Variants in RTTN observed in about 807,000 individuals in gnomAD.
RTTN encodes the protein rotatin.
A neutral mutation model predicts 269.2 loss-of-function variants in RTTN; 182 were observed. The ratio of observed to expected loss-of-function variants is 0.68; its 90% CI spans 0.60 to 0.76. The LOEUF (loss-of-function observed/expected upper bound fraction) is 0.76, where lower values mean the gene tolerates loss of function less well. Ranked by LOEUF, RTTN falls within the 30% of genes least tolerant of loss-of-function variation. The pLI is 0.00. For missense variants in RTTN, 2,545 were observed against 2,608.6 expected (o/e 0.98, Z 0.53); for synonymous variants, 1,006 against 963.5 (o/e 1.04, Z -0.82).
intron 34 of RTTN, among the ~76,000 whole-genome samples, chr18:70,066,597 T>G (rs2058142201): frequency 6.6e-6 from 1 of 152,194 alleles, no homozygotes; most frequent in South Asian, 2.1e-4. Context: ...ACTTATGTGG[T>G]GAGGTCAGAT....
intron 27 of RTTN, among the ~76,000 whole-genome samples, chr18:70,110,681 A>G (rs940470228): frequency 6.6e-6 from 1 of 152,156 alleles, no homozygotes; most frequent in African/African-American, 2.4e-5. Context: ...CCCATACCCC[A>G]GTGGCGCCTG....
intron 14 of RTTN, among the ~76,000 whole-genome samples, chr18:70,151,841 G>C (rs142783909): frequency 6.6e-6 from 1 of 152,188 alleles, no homozygotes; most frequent in African/African-American, 2.4e-5. Context: ...ATTCTAATGT[G>C]TCTATGGCCC....
intron 25 of RTTN, among the ~76,000 whole-genome samples, chr18:70,122,559 C>T (rs111740555): frequency 7.8e-4 from 119 of 152,154 alleles, no homozygotes; most frequent in African/African-American, 2.5e-3. Flanking sequence ...GAAGTAGGCA[C>T]CTCTATTTCA....
intron 34 of RTTN, among the ~76,000 whole-genome samples, chr18:70,067,900 A>G (rs184049580): frequency 2.6e-5 from 4 of 152,340 alleles, no homozygotes; most frequent in Non-Finnish European, 5.9e-5. Flanking sequence ...TTTCCTTAGT[A>G]TAGTCCACAG....
At position 70,054,289 on chromosome 18, in the gene RTTN, T is replaced by C. The variant is rs1206871921; in HGVS notation, c.5032-5A>G. Reference sequence around the variant, plus strand: ...GTATTCCAGGAGAAAGGAAACCTGTTTGAAAAGGAGACAGGGTCAAATCAA... The same window carrying C: ...GTATTCCAGGAGAAAGGAAACCTGTCTGAAAAGGAGACAGGGTCAAATCAA... On this transcript the variant is annotated splice_region_variant and splice_polypyrimidine_tract_variant and intron_variant, in intron 37 of 48. Transcript: ENST00000640769. The C allele has an allele frequency of 1.9e-6, 3 of 1,605,180 alleles. No homozygotes were observed. The highest frequency in any genetic ancestry group is 3.4e-5 in the Admixed American group (2 of 58,972).
At chr18:70,205,102 T>C (rs747982189) in intron 2 of RTTN, 26 bp downstream of exon 2, 1 of 1,598,038 alleles carries the variant, frequency 6.3e-7, no homozygotes, top group Non-Finnish European at 8.6e-7. Context: ...CGTCTGATTA[T>C]TTTCTTTATT....
In RTTN at chr18:70,159,829, G is replaced by T. The variant is rs541917515; in HGVS notation, c.1929+6233C>A. On this transcript the variant is annotated intron_variant, in intron 14 of 48. Transcript: ENST00000640769. ...ACCAAATAGAAAGCCTAGAAGAAAT[G>T]GATAAATTTCTGGAAATATACAAAC... Among the ~76,000 whole-genome samples the T allele has an allele frequency of 2.6e-5, 4 of 152,004 alleles. No individual in the cohort carries two copies. In the East Asian group the frequency reaches 7.7e-4, roughly 29 times the overall value.
chr18:70,030,644 A>C (rs1056622103), intron 41 of RTTN, among the ~76,000 whole-genome samples: 3 of 152,226 alleles, frequency 2.0e-5, no homozygotes, highest in African/African-American at 7.2e-5. Flanking sequence ...GGTTCTTTAG[A>C]GCAAGAACCA....
At chr18:70,197,562 A>G (rs1165316739) in intron 6 of RTTN, 62 bp downstream of exon 6, 1 of 998,590 alleles carries the variant, frequency 1.0e-6, no homozygotes, top group East Asian at 2.4e-5. Flanking sequence ...ACTCTGCAAA[A>G]TTTGCTTTAT....
chr18:70,051,295 T>G, intron 39 of RTTN, 116 bp downstream of exon 39: 1 of 1,247,700 alleles, frequency 8.0e-7, no homozygotes, highest in Non-Finnish European at 1.1e-6. Context: ...TGATACCTCT[T>G]TTATATGCCA....
At chr18:70,102,002 T>C (rs2059181020) in intron 28 of RTTN, among the ~76,000 whole-genome samples, 1 of 152,198 alleles carries the variant, frequency 6.6e-6, no homozygotes, top group South Asian at 2.1e-4. Flanking sequence ...TCCAACTATG[T>C]GGTCAATTTT....
intron 17 of RTTN, among the ~76,000 whole-genome samples, 177 bp downstream of exon 17, chr18:70,148,724 C>G (rs1279055192): frequency 6.6e-6 from 1 of 152,196 alleles, no homozygotes; most frequent in Non-Finnish European, 1.5e-5. Context: ...GATGAAACGT[C>G]AGCAAGTACA....
intron 26 of RTTN, among the ~76,000 whole-genome samples, chr18:70,115,074 C>T (rs1040409778): frequency 6.6e-6 from 1 of 152,028 alleles, no homozygotes; most frequent in African/African-American, 2.4e-5. Context: ...ACACTAACTC[C>T]TGGATAATCA....
intron 14 of RTTN, among the ~76,000 whole-genome samples, chr18:70,156,195 AT>A (rs1317955770): frequency 6.6e-6 from 1 of 152,226 alleles, no homozygotes; most frequent in East Asian, 1.9e-4. Flanking sequence ...TGGGAGAAAT[AT>A]CACTGAATTC....
intron 4 of RTTN, among the ~76,000 whole-genome samples, chr18:70,201,330 C>T (rs1600087279): frequency 1.3e-5 from 2 of 152,124 alleles, no homozygotes; most frequent in East Asian, 3.9e-4. Context: ...CGGCCGGGCG[C>T]GGTGGCTCAC....
At chr18:70,006,635 C>T in intron 46 of RTTN, 151 bp from the exon 47 acceptor site, 1 of 639,230 alleles carries the variant, frequency 1.6e-6, no homozygotes, top group Non-Finnish European at 2.8e-6. Flanking sequence ...TCTTTTATGC[C>T]ATGTGGTATA....
At chr18:70,128,747 C>T in intron 23 of RTTN, 1 of 501,478 alleles carries the variant, frequency 2.0e-6, no homozygotes, top group Non-Finnish European at 3.6e-6. Context: ...CTCCCCAGAA[C>T]ACTTAAATCC....
At chr18:70,090,113 T>C (rs2058804022) in intron 30 of RTTN, among the ~76,000 whole-genome samples, 1 of 152,128 alleles carries the variant, frequency 6.6e-6, no homozygotes, top group Non-Finnish European at 1.5e-5. Context: ...GCAAAGACAT[T>C]GCCAGTTTGA....
At chr18:70,195,741 A>G (rs1333473804) in intron 7 of RTTN, among the ~76,000 whole-genome samples, 2 of 152,236 alleles carry the variant, frequency 1.3e-5, no homozygotes, top group African/African-American at 4.8e-5. Context: ...AACTTTTTAA[A>G]TCAACATTGT....
Sources: allele counts gnomAD v4.1 joint callset (sites outside exome capture counted in the v4.1 genomes callset), GRCh38; gene constraint gnomAD v4.1.1; transcripts MANE v1.5; gene names NCBI Gene and HGNC (gene_info 2026-07-23, HGNC 2026-07-21).